Variants in TMEM132D observed in about 807,000 individuals in gnomAD.
The protein encoded by TMEM132D is transmembrane protein 132D, also known as mature OL transmembrane protein.
Under a neutral mutation model 62.3 loss-of-function variants are expected in TMEM132D, and 21 were observed. The observed-to-expected ratio is 0.34, with a 90% CI of 0.24 to 0.49. The LOEUF (loss-of-function observed/expected upper bound fraction) is 0.49. Among genes scored for constraint, TMEM132D ranks in the 20% least tolerant of loss-of-function variants. The pLI is 0.99. For synonymous variants in TMEM132D, 621 were observed against 575.6 expected (o/e 1.08, Z -1.13); for missense variants, 1,346 against 1,402.8 (o/e 0.96, Z 0.65).
At chr12:129,110,936 A>G (rs1875678866) in intron 5 of TMEM132D, 1 of 152,356 alleles carries the variant, frequency 6.6e-6, no homozygotes, top group Admixed American at 6.5e-5. Context: ...CTGTGTGCCC[A>G]GCTCCCACTG....
chr12:129,544,753 A>C (rs928458162), intron 2 of TMEM132D, among the ~76,000 whole-genome samples: 10 of 152,260 alleles, frequency 6.6e-5, no homozygotes, highest in African/African-American at 2.4e-4. Context: ...AAAAACTCAC[A>C]GAAGACTATC....
At chr12:129,200,678 C>A (rs1440088723) in intron 5 of TMEM132D, among the ~76,000 whole-genome samples, 1 of 152,178 alleles carries the variant, frequency 6.6e-6, no homozygotes, top group Non-Finnish European at 1.5e-5. Flanking sequence ...GGTTGTCGGG[C>A]GCCCAGCTGG....
At chr12:129,443,694 T>G (rs1873005043) in intron 3 of TMEM132D, among the ~76,000 whole-genome samples, 1 of 152,150 alleles carries the variant, frequency 6.6e-6, no homozygotes, top group South Asian at 2.1e-4. Flanking sequence ...TCCCTTTCCC[T>G]GCTTTCAGCT....
At position 129,238,996 on chromosome 12, in the gene TMEM132D, G is replaced by GGTTTTTTTTTTTT. The variant is rs374959544; in HGVS notation, c.1300-29334_1300-29333insAAAAAAAAAAAAC. Among the ~76,000 whole-genome samples, 7 of 133,046 alleles carry GGTTTTTTTTTTTT rather than the reference G, an allele frequency of 5.3e-5. 1 individual carries two copies. The highest frequency in any genetic ancestry group is 8.5e-5 in the African/African-American group (3 of 35,386). 87.3% of individuals were successfully genotyped at this position (133,046 alleles called of 152,430 possible). ...TCCTCATCAACATTTGTTATTTTCT[G>GGTTTTTTTTTTTT]TTTTTTTTTTTTTTTTGGACAGTAA... On this transcript the variant is annotated intron_variant, in intron 4 of 8. Transcript: ENST00000422113.
chr12:129,789,081 A>C (rs1448695867), intron 1 of TMEM132D, among the ~76,000 whole-genome samples: 1 of 152,194 alleles, frequency 6.6e-6, no homozygotes, highest in Non-Finnish European at 1.5e-5. Flanking sequence ...TTTTATTTCA[A>C]TAGTTTTCAG....
At chr12:129,506,552 C>T (rs1875336178) in intron 3 of TMEM132D, among the ~76,000 whole-genome samples, 1 of 152,062 alleles carries the variant, frequency 6.6e-6, no homozygotes, top group South Asian at 2.1e-4. Flanking sequence ...AGAAATAAAC[C>T]CAAATACTTA....
chr12:129,832,158 A>C (rs1168921355), intron 1 of TMEM132D, among the ~76,000 whole-genome samples: 2 of 147,138 alleles, frequency 1.4e-5, no homozygotes, highest in Non-Finnish European at 3.0e-5. Flanking sequence ...AAGAGCTGGG[A>C]TTACAGGTGT....
intron 4 of TMEM132D, among the ~76,000 whole-genome samples, chr12:129,214,870 A>C (rs1879160007): frequency 6.6e-6 from 1 of 152,182 alleles, no homozygotes; most frequent in Admixed American, 6.5e-5. Flanking sequence ...TAGGAGTGTA[A>C]ATTAGTTCAA....
chr12:129,534,292 G>C (rs557833746), intron 2 of TMEM132D, among the ~76,000 whole-genome samples: 5 of 152,066 alleles, frequency 3.3e-5, no homozygotes, highest in Non-Finnish European at 5.9e-5. Context: ...GGTGATGGGG[G>C]AAAGCCATAA....
At chr12:129,556,833 T>G (rs1051697095) in intron 2 of TMEM132D, among the ~76,000 whole-genome samples, 1 of 152,186 alleles carries the variant, frequency 6.6e-6, no homozygotes, top group Non-Finnish European at 1.5e-5. Flanking sequence ...ACGGTGAAGT[T>G]AGAGAACACT....
At chr12:129,102,553 A>T (rs1875350837) in intron 5 of TMEM132D, among the ~76,000 whole-genome samples, 1 of 152,168 alleles carries the variant, frequency 6.6e-6, no homozygotes, top group Non-Finnish European at 1.5e-5. Context: ...GCACACACAT[A>T]CACACATGTA....
intron 3 of TMEM132D, among the ~76,000 whole-genome samples, chr12:129,505,842 TC>T (rs1875313094): frequency 6.6e-6 from 1 of 152,200 alleles, no homozygotes. Flanking sequence ...GAATAACTAC[TC>T]CCGCTTGCTT....
chr12:129,410,566 G>A (rs1343848039), intron 3 of TMEM132D, among the ~76,000 whole-genome samples: 2 of 151,670 alleles, frequency 1.3e-5, no homozygotes, highest in Non-Finnish European at 2.9e-5. Context: ...CTCCATGTTG[G>A]CCAGGCTGCT....
intron 3 of TMEM132D, among the ~76,000 whole-genome samples, chr12:129,509,830 C>T (rs989237534): frequency 5.3e-5 from 8 of 152,112 alleles, no homozygotes; most frequent in South Asian, 4.1e-4. Flanking sequence ...AGTAGTACTC[C>T]GTTGTATATA....
chr12:129,758,514 T>C (rs1473388903), intron 1 of TMEM132D, among the ~76,000 whole-genome samples: 1 of 152,194 alleles, frequency 6.6e-6, no homozygotes, highest in Non-Finnish European at 1.5e-5. Flanking sequence ...CCATGAGAAG[T>C]CACACCTGTT....
At chr12:129,720,797 A>G (rs1868794923) in intron 1 of TMEM132D, among the ~76,000 whole-genome samples, 1 of 152,364 alleles carries the variant, frequency 6.6e-6, no homozygotes, top group East Asian at 1.9e-4. Context: ...ATGATAATCA[A>G]CGTATCAATA....
At chr12:129,444,336 G>A (rs1873030861) in intron 3 of TMEM132D, among the ~76,000 whole-genome samples, 1 of 152,070 alleles carries the variant, frequency 6.6e-6, no homozygotes, top group East Asian at 1.9e-4. Context: ...TTACGGAATG[G>A]GGGAAAATTT....
chr12:129,620,677 T>C (rs1879041058), intron 2 of TMEM132D, among the ~76,000 whole-genome samples: 1 of 152,208 alleles, frequency 6.6e-6, no homozygotes, highest in Admixed American at 6.5e-5. Context: ...TGCAGGGACA[T>C]GGATGGAGCT....
intron 4 of TMEM132D, among the ~76,000 whole-genome samples, chr12:129,279,088 G>A (rs1881071664): frequency 6.6e-6 from 1 of 152,094 alleles, no homozygotes; most frequent in African/African-American, 2.4e-5. Flanking sequence ...GTTAAATTTA[G>A]CCACGAAATT....
Sources: allele counts gnomAD v4.1 joint callset (sites outside exome capture counted in the v4.1 genomes callset), GRCh38; gene constraint gnomAD v4.1.1; transcripts MANE v1.5; gene names NCBI Gene and HGNC (gene_info 2026-07-23, HGNC 2026-07-21).